The following GRID2 variants were observed in gnomAD, a reference collection of about 807,000 sequenced individuals.
GRID2 encodes glutamate receptor ionotropic, delta-2.
GRID2 carries 33 observed loss-of-function variants against 114.8 expected under a neutral mutation model. That is an observed-to-expected ratio of 0.29 (90% confidence interval 0.22 to 0.38). The LOEUF (loss-of-function observed/expected upper bound fraction) is 0.38. Among genes scored for constraint, GRID2 ranks in the 10% least tolerant of loss-of-function variants. The pLI, the probability that GRID2 is intolerant of heterozygous loss-of-function variation, is 1.00. For missense variants in GRID2, 1,184 were observed against 1,257.7 expected (o/e 0.94, Z 0.89); for synonymous variants, 505 against 449.9 (o/e 1.12, Z -1.55).
chr4:93,598,656 A>G (rs563181876), intron 13 of GRID2, among the ~76,000 whole-genome samples: 3 of 152,316 alleles, frequency 2.0e-5, no homozygotes, highest in African/African-American at 7.2e-5. Context: ...TTTGCATTTT[A>G]GTATGTTTTG....
intron 1 of GRID2, among the ~76,000 whole-genome samples, chr4:92,327,458 G>A (rs1726658423): frequency 1.3e-5 from 2 of 151,716 alleles, no homozygotes; most frequent in Non-Finnish European, 2.9e-5. Flanking sequence ...CACATGGTAG[G>A]GAGTAACTAC....
At chr4:92,759,865 G>T (rs965469720) in intron 2 of GRID2, among the ~76,000 whole-genome samples, 2 of 151,008 alleles carry the variant, frequency 1.3e-5, no homozygotes, top group Non-Finnish European at 2.9e-5. Flanking sequence ...GACCTCAGGT[G>T]ATCACCTGCC....
At chr4:93,366,222 T>C (rs1411887242) in intron 8 of GRID2, among the ~76,000 whole-genome samples, 5 of 152,168 alleles carry the variant, frequency 3.3e-5, no homozygotes, top group African/African-American at 9.6e-5. Flanking sequence ...CATATTTCTC[T>C]TCTTTGAAAA....
At chr4:92,830,578 C>A (rs889386972) in intron 2 of GRID2, among the ~76,000 whole-genome samples, 1 of 152,068 alleles carries the variant, frequency 6.6e-6, no homozygotes, top group African/African-American at 2.4e-5. Context: ...TATCAAAACA[C>A]ATTTTTTATT....
intron 8 of GRID2, among the ~76,000 whole-genome samples, chr4:93,304,199 A>C (rs1482827070): frequency 4.2e-5 from 4 of 95,114 alleles, no homozygotes; most frequent in African/African-American, 1.6e-4. Flanking sequence ...CTGAAATTTA[A>C]TTTAAAATCG....
intron 1 of GRID2, among the ~76,000 whole-genome samples, chr4:93,799,438 CTT>C (rs749961644): frequency 2.1e-5 from 3 of 145,538 alleles, no homozygotes; most frequent in African/African-American, 2.5e-5. Flanking sequence ...ACTGCAGCCC[CTT>C]TTTTTTTTTT....
At chr4:93,591,980 A>G (rs1484033755) in intron 13 of GRID2, among the ~76,000 whole-genome samples, 1 of 151,420 alleles carries the variant, frequency 6.6e-6, no homozygotes. Flanking sequence ...GTGCTCTATC[A>G]ATTTTGTTGA....
intron 14 of GRID2, among the ~76,000 whole-genome samples, chr4:93,656,816 C>T (rs1307539402): frequency 1.2e-5 from 1 of 86,360 alleles, no homozygotes; most frequent in East Asian, 3.2e-4. Context: ...GGTGACAGAG[C>T]GAGACTCTGC....
intron 8 of GRID2, among the ~76,000 whole-genome samples, chr4:93,307,111 G>A (rs1187905642): frequency 6.6e-6 from 1 of 151,830 alleles, no homozygotes; most frequent in African/African-American, 2.4e-5. Context: ...CAGGAGAATT[G>A]CTTGAATGGG....
chr4:93,378,505 A>T (rs974641673), intron 8 of GRID2, among the ~76,000 whole-genome samples: 10 of 152,102 alleles, frequency 6.6e-5, no homozygotes, highest in Admixed American at 5.9e-4. Context: ...TTAATTTATT[A>T]CAGGAAATTA....
chr4:92,749,311 T>C (rs1027329192), intron 2 of GRID2, among the ~76,000 whole-genome samples: 4 of 26,444 alleles, frequency 1.5e-4, no homozygotes, highest in Admixed American at 8.7e-4. Flanking sequence ...GATTTGTAGC[T>C]TTTTTTTTTT....
At chr4:93,064,086 C>T (rs897506055) in intron 2 of GRID2, among the ~76,000 whole-genome samples, 6 of 148,694 alleles carry the variant, frequency 4.0e-5, no homozygotes, top group South Asian at 2.1e-4. Flanking sequence ...TAATGGTATA[C>T]ACTATATAAC....
intron 4 of GRID2, among the ~76,000 whole-genome samples, chr4:93,200,262 C>A (rs1337867407): frequency 6.6e-6 from 1 of 152,122 alleles, no homozygotes; most frequent in East Asian, 1.9e-4. Flanking sequence ...CAAGTATCAC[C>A]ATTTGGTCAA....
chr4:93,066,408 A>G (rs1174215387), intron 2 of GRID2, among the ~76,000 whole-genome samples: 2 of 151,950 alleles, frequency 1.3e-5, no homozygotes, highest in Non-Finnish European at 2.9e-5. Context: ...TTAATATTCA[A>G]TCAGCAGTTC....
At chr4:92,909,090 G>T (rs908751182) in intron 2 of GRID2, among the ~76,000 whole-genome samples, 2 of 152,018 alleles carry the variant, frequency 1.3e-5, no homozygotes, top group African/African-American at 4.8e-5. Context: ...TTTCAAAATA[G>T]AGCTTGGTAA....
chr4:93,497,865 A>G (rs571572212), intron 12 of GRID2, among the ~76,000 whole-genome samples: 6 of 151,982 alleles, frequency 3.9e-5, no homozygotes, highest in Admixed American at 3.3e-4. Flanking sequence ...TATATCTACA[A>G]AAATATTGCT....
intron 2 of GRID2, among the ~76,000 whole-genome samples, chr4:92,931,164 A>G (rs1436199533): frequency 1.3e-5 from 2 of 151,056 alleles, no homozygotes; most frequent in African/African-American, 4.8e-5. Context: ...ATAATGGAGC[A>G]GAGTTTGCTA....
intron 13 of GRID2, among the ~76,000 whole-genome samples, chr4:93,533,181 C>T (rs1192571733): frequency 6.6e-6 from 1 of 151,898 alleles, no homozygotes; most frequent in Non-Finnish European, 1.5e-5. Context: ...TAGATTGACT[C>T]TTGTCTTTCT....
chr4:93,704,340 GTTGT>G (rs1441188028), intron 14 of GRID2, among the ~76,000 whole-genome samples: 7 of 152,044 alleles, frequency 4.6e-5, no homozygotes, highest in Admixed American at 3.3e-4. Context: ...TTTTGATGGG[GTTGT>G]TTGTTTTTTT....
Sources: gnomAD v4.1 joint callset for allele counts (sites outside exome capture counted in the v4.1 genomes callset) on GRCh38, gnomAD v4.1.1 for gene constraint, MANE v1.5 for transcripts, NCBI Gene and HGNC (gene_info 2026-07-23, HGNC 2026-07-21) for gene names.